NDUFA10: variants seen among roughly 807,000 people sequenced by gnomAD.
The protein encoded by NDUFA10 is NADH dehydrogenase [ubiquinone] 1 alpha subcomplex subunit 10, mitochondrial.
Under a neutral mutation model 47.8 loss-of-function variants are expected in NDUFA10, and 40 were observed. The observed-to-expected ratio is 0.84, with a 90% CI of 0.65 to 1.09. NDUFA10 has a LOEUF of 1.09. Ranked by LOEUF, NDUFA10 falls within the 50% of genes least tolerant of loss-of-function variation. The pLI, the probability that NDUFA10 is intolerant of heterozygous loss-of-function variation, is 0.00. For synonymous variants in NDUFA10, 183 were observed against 172.2 expected (o/e 1.06, Z -0.49); for missense variants, 413 against 451.1 (o/e 0.92, Z 0.76).
In NDUFA10 at chr2:239,965,304, C is replaced by CG. The variant is rs199748387; in HGVS notation, c.1000-4119dup. On this transcript the variant is annotated intron_variant, in intron 9 of 9. Coordinates refer to ENST00000252711, the MANE Select transcript of NDUFA10 (RefSeq NM_004544.4). ...TGTTTTAGGCCAACAGAGAACCATG[C>CG]GGGGGGGGAGGGGTTCATTTGCAGC... Among the ~76,000 whole-genome samples the CG allele has an allele frequency of 9.7e-3, 1,444 of 149,376 alleles. 22 individuals are homozygous for CG. The highest frequency in any genetic ancestry group is 0.044 in the East Asian group (223 of 5,068).
intron 4 of NDUFA10, among the ~76,000 whole-genome samples, chr2:239,916,616 A>G (rs1456303189): frequency 1.3e-5 from 2 of 152,214 alleles, no homozygotes; most frequent in Non-Finnish European, 2.9e-5. Flanking sequence ...AAGAGCAAAC[A>G]TTTATTTCCT....
chr2:239,937,165 C>T (rs993854161), intron 4 of NDUFA10, among the ~76,000 whole-genome samples: 1 of 152,190 alleles, frequency 6.6e-6, no homozygotes, highest in Non-Finnish European at 1.5e-5. Context: ...AACCTGCCAA[C>T]ATGAGCCCAT....
At chr2:239,989,656 G>A (rs1226865464) in intron 9 of NDUFA10, among the ~76,000 whole-genome samples, 1 of 152,242 alleles carries the variant, frequency 6.6e-6, no homozygotes, top group Non-Finnish European at 1.5e-5. Flanking sequence ...CTCGCTGTCT[G>A]TCCCAAGCTC....
At chr2:239,969,689 C>T (rs543609745) in intron 9 of NDUFA10, 39 of 471,406 alleles carry the variant, frequency 8.3e-5, no homozygotes, top group African/African-American at 5.8e-4. Flanking sequence ...TTCCTCTCCC[C>T]GATCCTTCAA....
chr2:239,916,684 G>A (rs188364872), intron 4 of NDUFA10, among the ~76,000 whole-genome samples: 3 of 152,380 alleles, frequency 2.0e-5, no homozygotes, highest in East Asian at 3.9e-4. Flanking sequence ...TGGTGTCTGC[G>A]AGGGCCGCTC....
At chr2:240,008,132 T>C (rs537984731) in intron 6 of NDUFA10, among the ~76,000 whole-genome samples, 1 of 152,336 alleles carries the variant, frequency 6.6e-6, no homozygotes, top group Non-Finnish European at 1.5e-5. Context: ...GTCTCATCAT[T>C]ACTGACTCAC....
intron 4 of NDUFA10, among the ~76,000 whole-genome samples, chr2:239,939,980 C>T (rs1174840600): frequency 6.6e-6 from 1 of 152,188 alleles, no homozygotes; most frequent in African/African-American, 2.4e-5. Flanking sequence ...CAGCTCAGCC[C>T]GGGGAAGGGT....
chr2:239,909,191 A>G (rs916274151), intron 4 of NDUFA10, among the ~76,000 whole-genome samples: 1 of 147,296 alleles, frequency 6.8e-6, no homozygotes, highest in Admixed American at 6.6e-5. Flanking sequence ...AGACAAAACC[A>G]AAGTGGGGTC....
intron 4 of NDUFA10, among the ~76,000 whole-genome samples, chr2:239,900,447 A>T (rs886205993): frequency 5.3e-5 from 8 of 149,814 alleles, no homozygotes; most frequent in Non-Finnish European, 7.4e-5. Context: ...TTTTCCTACC[A>T]TGAAGCTTCC....
intron 4 of NDUFA10, among the ~76,000 whole-genome samples, chr2:239,909,916 G>A (rs13410392): frequency 0.17 from 23,431 of 139,070 alleles, 1,835 homozygotes; most frequent in Non-Finnish European, 0.19. Flanking sequence ...AAGAAAGGCA[G>A]ACAAAAGAAG....
intron 4 of NDUFA10, among the ~76,000 whole-genome samples, chr2:239,935,790 C>T (rs1425995241): frequency 6.6e-6 from 1 of 152,248 alleles, no homozygotes; most frequent in Non-Finnish European, 1.5e-5. Flanking sequence ...CTTTTGCCTG[C>T]CGCCATGTAA....
At chr2:239,991,384 T>C (rs1183240789) in intron 8 of NDUFA10, among the ~76,000 whole-genome samples, 1 of 152,360 alleles carries the variant, frequency 6.6e-6, no homozygotes, top group East Asian at 1.9e-4. Context: ...CCTAAGTGTA[T>C]TTATGTGCGT....
chr2:239,977,547 G>A (rs115806315), intron 9 of NDUFA10, among the ~76,000 whole-genome samples: 1 of 152,308 alleles, frequency 6.6e-6, no homozygotes, highest in Admixed American at 6.5e-5. Context: ...ACAGCTGGAC[G>A]ACCGTGCCCC....
At position 239,928,170 on chromosome 2, in the gene NDUFA10, T is replaced by A. The variant is rs13424858; in HGVS notation, c.295-32856A>T. ...GGTCTGTACAAAGATTCCAGGACTT[T>A]AAAAAAAAAATAACAAAAGAAGAAA... On this transcript the variant is annotated intron_variant, in intron 4 of 5. Transcript: ENST00000419408. The surrounding 1 kb of genome is among the most constrained non-coding windows in gnomAD (Gnocchi z 4.3). 4.4e-4 allele frequency among the ~76,000 whole-genome samples: 65 copies of A among 148,758 alleles called. No individual in the cohort carries two copies. The highest frequency in any genetic ancestry group is 3.5e-3 in the Middle Eastern group (1 of 288).
In NDUFA10 at chr2:240,023,644, A is replaced by G. The variant is rs527914828; in HGVS notation, c.76-1304T>C. 3.3e-5 allele frequency among the ~76,000 whole-genome samples: 5 copies of G among 152,376 alleles called. No individual in the cohort carries two copies. The East Asian group carries it at 7.7e-4, about 23-fold the overall frequency. ...AGTTAAACAAAATTAAGGCATATCC[A>G]TATTATGGAATACTAAGTACTCAGA... On this transcript the variant is annotated intron_variant, in intron 1 of 9. Transcript: ENST00000252711.
intron 9 of NDUFA10, chr2:239,973,657 C>G (rs1438032490): frequency 1.3e-5 from 6 of 465,714 alleles, no homozygotes; most frequent in Middle Eastern, 3.2e-4. Context: ...ATTGAAGAGA[C>G]TGAACTGGTA....
At chr2:239,947,851 C>T (rs6761898) in intron 4 of NDUFA10, among the ~76,000 whole-genome samples, 80,908 of 152,076 alleles carry the variant, frequency 0.53, 21,793 homozygotes, top group East Asian at 0.67. Flanking sequence ...AAGATGAAAA[C>T]GGGAGGCTCT....
chr2:239,965,141 C>T (rs971562571), intron 9 of NDUFA10, among the ~76,000 whole-genome samples: 3 of 152,136 alleles, frequency 2.0e-5, no homozygotes, highest in African/African-American at 7.2e-5. Context: ...ATAATAGAAA[C>T]TAGCAGAATA....
Position 239,961,023 on chromosome 2 carries a change from C to A in NDUFA10, c.*95G>T. The A allele has an allele frequency of 5.7e-6, 9 of 1,585,130 alleles. No homozygotes were observed. The highest frequency in any genetic ancestry group is 7.7e-6 in the Non-Finnish European group (9 of 1,166,596). ...ACTGTGCAATTTTTGCATTATTTAC[C>A]CTCCCCCGATCTTAAAGCTATATGG... is the stretch of plus-strand genomic sequence containing the variant. On this transcript the variant is annotated 3_prime_UTR_variant, in exon 10 of 10. Transcript: ENST00000252711.
Sources: gnomAD v4.1 joint callset for allele counts (sites outside exome capture counted in the v4.1 genomes callset) on GRCh38, gnomAD v4.1.1 for gene constraint, Gnocchi (gnomAD v3.1) non-coding constraint, MANE v1.5 for transcripts, NCBI Gene and HGNC (gene_info 2026-07-23, HGNC 2026-07-21) for gene names.